ATP10B: variants seen among roughly 807,000 people sequenced by gnomAD.
The protein encoded by ATP10B is phospholipid-transporting ATPase VB.
Under a neutral mutation model 141.2 loss-of-function variants are expected in ATP10B, and 122 were observed. The observed-to-expected ratio is 0.86, with a 90% CI of 0.75 to 1.00. ATP10B has a LOEUF of 1.00. ATP10B is among the 50% of genes least tolerant of loss of function. ATP10B has a pLI of 0.00. For missense variants in ATP10B, 1,876 were observed against 1,825.3 expected, an observed-to-expected ratio of 1.03 and a Z score of -0.51; for synonymous variants, 685 against 692.0, an observed-to-expected ratio of 0.99 and a Z score of 0.16.
At chr5:160,880,320 A>G in the ATP10B span, among the ~76,000 whole-genome samples, 13 of 150,668 alleles carry the variant, frequency 8.6e-5, no homozygotes, top group South Asian at 2.7e-3. Flanking sequence ...AAATAAATGA[A>G]GAGATATTTC....
chr5:160,817,894 G>A (rs1387454421), intron 1 of ATP10B, among the ~76,000 whole-genome samples: 1 of 152,166 alleles, frequency 6.6e-6, no homozygotes, highest in African/African-American at 2.4e-5. Flanking sequence ...AACAAGAAAT[G>A]CAGAAACGAT....
At chr5:160,887,042 T>C in the ATP10B span, among the ~76,000 whole-genome samples, 2 of 152,252 alleles carry the variant, frequency 1.3e-5, no homozygotes, top group Admixed American at 1.3e-4. Flanking sequence ...ATAGAATGAG[T>C]GACAGAATTA....
chr5:160,898,280 C>T, the ATP10B span, among the ~76,000 whole-genome samples: 2 of 151,950 alleles, frequency 1.3e-5, no homozygotes, highest in Non-Finnish European at 2.9e-5. Flanking sequence ...CCAGAATCTA[C>T]AAGAAACAAA....
the ATP10B span, among the ~76,000 whole-genome samples, chr5:160,902,535 G>C: frequency 6.6e-6 from 1 of 152,166 alleles, no homozygotes; most frequent in Non-Finnish European, 1.5e-5. Flanking sequence ...GGCATTTGAT[G>C]AAACAAAGAA....
the ATP10B span, among the ~76,000 whole-genome samples, chr5:160,891,834 G>A: frequency 1.3e-5 from 2 of 152,312 alleles, no homozygotes; most frequent in South Asian, 4.1e-4. Context: ...TTACTTAGGT[G>A]AGCTATTTTT....
chr5:160,889,566 C>G, the ATP10B span, among the ~76,000 whole-genome samples: 1,062 of 152,312 alleles, frequency 7.0e-3, 11 homozygotes, highest in Non-Finnish European at 0.011. Flanking sequence ...ATTCAACAAG[C>G]CTTTGAGCAC....
At position 160,604,078 on chromosome 5, in the gene ATP10B, C is replaced by T. The variant is rs1373102265; in HGVS notation, c.3161-37G>A. On this transcript the variant is annotated intron_variant, in intron 19 of 25. Transcript: ENST00000327245. ...GTCATAACGTGTCTTTATTTTTGGT[C>T]CAACTGCTCAGTGACAATGAGGTAG... The T allele has an allele frequency of 2.0e-6, 3 of 1,535,082 alleles. No homozygotes were observed. In the Admixed American group the frequency reaches 5.0e-5, roughly 26 times the overall value.
Position 160,788,045 on chromosome 5 carries a change from A to T in ATP10B, c.-575-2242T>A, listed in dbSNP as rs548538021. Among the ~76,000 whole-genome samples, 27 of 152,260 alleles carry T rather than the reference A, an allele frequency of 1.8e-4. No individual in the cohort carries two copies. In the South Asian group the frequency reaches 5.6e-3, roughly 32 times the overall value. ...CTCATCTACTTCCTAGAGGTCATAC[A>T]TTCACCTTCACCACCTGTTTTATTT... On this transcript the variant is annotated intron_variant, in intron 1 of 25. Transcript: ENST00000327245.
At chr5:160,633,138 A>G (rs914114487) in intron 12 of ATP10B, 2 of 152,230 alleles carry the variant, frequency 1.3e-5, no homozygotes, top group African/African-American at 2.4e-5. Context: ...AATTAGTTCA[A>G]CCATTGTGGA....
chr5:160,816,932 G>A (rs532822005), intron 1 of ATP10B, among the ~76,000 whole-genome samples: 4 of 152,028 alleles, frequency 2.6e-5, no homozygotes, highest in African/African-American at 7.2e-5. Context: ...TGCACAAAAG[G>A]CCTTTGACAA....
At chr5:160,623,579 C>T (rs1187581311) in intron 13 of ATP10B, among the ~76,000 whole-genome samples, 1 of 151,796 alleles carries the variant, frequency 6.6e-6, no homozygotes, top group Non-Finnish European at 1.5e-5. Context: ...AGAGGACGGG[C>T]TGGATCTGAC....
chr5:160,779,680 T>G (rs1056843261), intron 2 of ATP10B, among the ~76,000 whole-genome samples: 1 of 152,156 alleles, frequency 6.6e-6, no homozygotes, highest in Non-Finnish European at 1.5e-5. Context: ...GACAGAGAAC[T>G]CAGGTAAGCT....
At chr5:160,606,387 C>T (rs1209587441) in intron 19 of ATP10B, among the ~76,000 whole-genome samples, 3 of 152,186 alleles carry the variant, frequency 2.0e-5, no homozygotes, top group Non-Finnish European at 2.9e-5. Context: ...AATCCCTAAA[C>T]ACCTGAAGTT....
At chr5:160,886,115 T>A in the ATP10B span, among the ~76,000 whole-genome samples, 2 of 152,222 alleles carry the variant, frequency 1.3e-5, no homozygotes, top group Non-Finnish European at 2.9e-5. Flanking sequence ...TCGGGGGAAT[T>A]TTTAGAAATC....
chr5:160,667,902 G>A (rs1762417569), intron 7 of ATP10B, among the ~76,000 whole-genome samples: 1 of 152,026 alleles, frequency 6.6e-6, no homozygotes, highest in Non-Finnish European at 1.5e-5. Flanking sequence ...AGATTTATAA[G>A]TTTTACTGCT....
chr5:160,670,893 G>A (rs955819222), intron 6 of ATP10B, among the ~76,000 whole-genome samples: 2 of 152,046 alleles, frequency 1.3e-5, no homozygotes, highest in Non-Finnish European at 2.9e-5. Flanking sequence ...TTGGCCGGGT[G>A]TGGTGGCTCA....
intron 18 of ATP10B, among the ~76,000 whole-genome samples, chr5:160,611,014 A>G (rs558515659): frequency 1.3e-5 from 2 of 152,372 alleles, no homozygotes; most frequent in East Asian, 3.9e-4. Context: ...ATGTAACTAC[A>G]TTAAACTAGG....
chr5:160,606,001 C>T (rs1342881022), intron 19 of ATP10B, among the ~76,000 whole-genome samples: 1 of 152,086 alleles, frequency 6.6e-6, no homozygotes, highest in Admixed American at 6.5e-5. Flanking sequence ...TGTGCAAAGG[C>T]CCAGAAGTGA....
Position 160,598,809 on chromosome 5 carries a change from C to G in ATP10B, c.3525G>C (p.Leu1175=), listed in dbSNP as rs1336685242. The G allele has an allele frequency of 6.2e-7, 1 of 1,613,982 alleles. No homozygotes were observed. The highest frequency in any genetic ancestry group is 2.2e-5 in the East Asian group (1 of 44,888). The change falls in exon 22 of 26, where the codon CTG becomes CTC. Residue 1175 remains leucine, a synonymous_variant. Coordinates refer to ENST00000327245, the MANE Select transcript of ATP10B (RefSeq NM_025153.3). ...CACTCTTGTATAGCTCAGGCAATGCCAGGAGTGTTTCTGCAGAGATGTCTT... is the reference window on the plus strand; with the variant it reads ...CACTCTTGTATAGCTCAGGCAATGCGAGGAGTGTTTCTGCAGAGATGTCTT... The part of the protein sequence containing the change: ...LDKDISAETL[L]ALPELYKSGQ...
Sources: allele counts gnomAD v4.1 joint callset (sites outside exome capture counted in the v4.1 genomes callset), GRCh38; gene constraint gnomAD v4.1.1; transcripts MANE v1.5; gene names NCBI Gene and HGNC (gene_info 2026-07-23, HGNC 2026-07-21).